The following OAS2 variants were observed in gnomAD, a reference collection of about 807,000 sequenced individuals.
OAS2 encodes the protein 2'-5'-oligoadenylate synthetase 2.
In OAS2, 67 loss-of-function variants were observed where a neutral mutation model predicts 71.3. The ratio of observed to expected loss-of-function variants is 0.94; its 90% confidence interval spans 0.77 to 1.15. OAS2 has a LOEUF of 1.15. Among genes scored for constraint, OAS2 ranks in the 50% most tolerant of loss-of-function variants. The pLI is 0.00. For synonymous variants in OAS2, 327 were observed against 321.8 expected (o/e 1.02, Z -0.17); for missense variants, 789 against 822.5 (o/e 0.96, Z 0.50).
At chr12:113,008,092 GATAAA>G in intron 9 of OAS2, 149 bp downstream of exon 9, 1 of 681,796 alleles carries the variant, frequency 1.5e-6, no homozygotes, top group Non-Finnish European at 2.6e-6. Context: ...AGTCTCCAGG[GATAAA>G]ACCTAGCAGG....
At chr12:112,985,825 C>G (rs2044129619) in intron 1 of OAS2, among the ~76,000 whole-genome samples, 1 of 152,134 alleles carries the variant, frequency 6.6e-6, no homozygotes. Context: ...ACATTTTCCT[C>G]TGCTGGGCAT....
At position 113,002,949 on chromosome 12, in the gene OAS2, G is replaced by A. The variant is rs1180913355; in HGVS notation, c.1026G>A (p.Thr342=). ...SWNVLPAPLF[T]TPGHLLDKFI... ...TTCCCCAGCCTGCACCACTCTTCAC[G>A]ACCCCAGGCCACCTTCTGGATAAGT... The change falls in exon 6 of 10, where the codon ACG becomes ACA. Residue 342 remains threonine, a synonymous_variant. Transcript: ENST00000392583. The A allele has an allele frequency of 7.4e-6, 12 of 1,613,840 alleles. No individual in the cohort carries two copies. The East Asian group carries it at 8.9e-5, about 12-fold the overall frequency.
At chr12:112,990,528 C>A (rs570591598) in intron 2 of OAS2, among the ~76,000 whole-genome samples, 39 of 152,162 alleles carry the variant, frequency 2.6e-4, no homozygotes, top group Admixed American at 5.2e-4. Flanking sequence ...TGTCCCTTAT[C>A]AGACCTTAAA....
chr12:112,987,490 T>G (rs768803017), intron 2 of OAS2, 182 bp downstream of exon 2: 66 of 1,442,758 alleles, frequency 4.6e-5, no homozygotes, highest in Non-Finnish European at 5.9e-5. Flanking sequence ...GGAACTAACT[T>G]CTCCCCCATA....
chr12:112,985,504 C>T (rs532781704), intron 1 of OAS2, among the ~76,000 whole-genome samples: 11 of 152,202 alleles, frequency 7.2e-5, no homozygotes, highest in Non-Finnish European at 1.6e-4. Context: ...CTCTTTGGTT[C>T]TTTTTAGCAA....
chr12:112,982,629 G>A (rs985475722), intron 1 of OAS2, among the ~76,000 whole-genome samples: 1 of 152,142 alleles, frequency 6.6e-6, no homozygotes, highest in African/African-American at 2.4e-5. Flanking sequence ...TTGGCCTGTA[G>A]TTTTCTTTTT....
At chr12:112,993,031 T>G (rs1293762) in intron 2 of OAS2, among the ~76,000 whole-genome samples, 101,536 of 151,992 alleles carry the variant, frequency 0.67, 35,398 homozygotes, top group East Asian at 0.92. Context: ...TAGATGGTGG[T>G]AAAGCTGCAC....
intron 2 of OAS2, 106 bp from the exon 3 acceptor site, chr12:112,995,190 G>C (rs557287370): frequency 2.0e-6 from 2 of 983,350 alleles, no homozygotes; most frequent in Non-Finnish European, 3.0e-6. Context: ...GATTAAGCAA[G>C]AGTCGTGTGC....
At position 113,009,867 on chromosome 12, in the gene OAS2, A is replaced by G. The variant is rs2044364967; in HGVS notation, c.*612A>G. 4.1e-6 allele frequency: 4 copies of G among 986,362 alleles called. No homozygotes were observed. The highest frequency in any genetic ancestry group is 6.1e-5 in the Admixed American group (1 of 16,374). 61.1% of individuals were successfully genotyped at this position (986,362 alleles called of 1,614,324 possible). ...CACCTCTCCAAAGCCCTCCCTACCT[A>G]CCAAGATATACCTGATATATTCCAC... On this transcript the variant is annotated 3_prime_UTR_variant, in exon 10 of 10. Coordinates refer to ENST00000392583, the MANE Select transcript of OAS2 (RefSeq NM_002535.3).
intron 2 of OAS2, among the ~76,000 whole-genome samples, chr12:112,994,711 C>T (rs547124109): frequency 5.9e-5 from 9 of 152,210 alleles, no homozygotes; most frequent in African/African-American, 1.9e-4. Context: ...CATGAGCCAC[C>T]GTGCCTGGCT....
At chr12:112,998,453 A>G (rs1383207383) in intron 5 of OAS2, 43 bp downstream of exon 5, 1 of 1,589,462 alleles carries the variant, frequency 6.3e-7, no homozygotes, top group Non-Finnish European at 8.5e-7. Flanking sequence ...TGCTGCAGGA[A>G]GGTCTTCCTG....
At chr12:112,979,061 T>A (rs2044055188) in intron 1 of OAS2, among the ~76,000 whole-genome samples, 2 of 152,182 alleles carry the variant, frequency 1.3e-5, no homozygotes, top group Admixed American at 1.3e-4. Flanking sequence ...GCACATCATG[T>A]TCTTAGCAAA....
chr12:112,995,549 C>T, intron 3 of OAS2, 75 bp downstream of exon 3: 1 of 1,387,572 alleles, frequency 7.2e-7, no homozygotes, highest in Admixed American at 1.9e-5. Context: ...CAGTAAAGTG[C>T]AACAATCTTA....
intron 3 of OAS2, among the ~76,000 whole-genome samples, chr12:112,996,379 C>T (rs1337505159): frequency 6.6e-6 from 1 of 152,022 alleles, no homozygotes; most frequent in Admixed American, 6.5e-5. Context: ...TACATATATG[C>T]GTGTAAATAT....
At chr12:112,989,561 T>A (rs1481056057) in intron 2 of OAS2, among the ~76,000 whole-genome samples, 2 of 152,214 alleles carry the variant, frequency 1.3e-5, no homozygotes, top group Non-Finnish European at 2.9e-5. Context: ...TAGAAGGGAA[T>A]GTCTGGGTTA....
At chr12:112,990,725 T>C (rs2044183711) in intron 2 of OAS2, among the ~76,000 whole-genome samples, 1 of 152,334 alleles carries the variant, frequency 6.6e-6, no homozygotes, top group Non-Finnish European at 1.5e-5. Flanking sequence ...ATCTGTCAGG[T>C]GATGCCAGAG....
At chr12:112,987,345 G>A (rs763230032) in intron 2 of OAS2, 37 bp downstream of exon 2, 2 of 1,612,744 alleles carry the variant, frequency 1.2e-6, no homozygotes, top group East Asian at 4.5e-5. Context: ...AAAAGCCAAA[G>A]AAGCGGGTGC....
intron 7 of OAS2, among the ~76,000 whole-genome samples, chr12:113,005,946 A>C (rs954262800): frequency 8.8e-5 from 13 of 147,948 alleles, no homozygotes; most frequent in Non-Finnish European, 1.6e-4. Flanking sequence ...AAAAAAAAAA[A>C]AAAAACAAGA....
chr12:113,005,252 T>G (rs759573662), intron 7 of OAS2, 30 bp downstream of exon 7: 2 of 1,594,960 alleles, frequency 1.3e-6, no homozygotes, highest in African/African-American at 1.4e-5. Context: ...AGCTTGGAAG[T>G]GATGGTGGAC....
Sources: gnomAD v4.1 joint callset for allele counts (sites outside exome capture counted in the v4.1 genomes callset) on GRCh38, gnomAD v4.1.1 for gene constraint, MANE v1.5 for transcripts, NCBI Gene and HGNC (gene_info 2026-07-23, HGNC 2026-07-21) for gene names.